Variants in SEMA3A observed in about 807,000 individuals in gnomAD.
SEMA3A encodes semaphorin-3A.
SEMA3A carries 29 observed loss-of-function variants against 97.9 expected under a neutral mutation model. The ratio of observed to expected loss-of-function variants is 0.30; its 90% confidence interval spans 0.22 to 0.40. SEMA3A has a LOEUF of 0.40. Among genes scored for constraint, SEMA3A ranks in the 10% least tolerant of loss-of-function variants. The pLI is 1.00. For missense variants in SEMA3A, 763 were observed against 951.3 expected (o/e 0.80, Z 2.60); for synonymous variants, 321 against 323.7 (o/e 0.99, Z 0.09).
intron 12 of SEMA3A, among the ~76,000 whole-genome samples, chr7:83,995,124 C>T (rs1315165623): frequency 6.6e-6 from 1 of 152,152 alleles, no homozygotes; most frequent in African/African-American, 2.4e-5. Context: ...AAAAGGAACT[C>T]CCTGACCCCT....
upstream of SEMA3A, among the ~76,000 whole-genome samples, chr7:84,198,190 A>AT (rs937924814): frequency 6.6e-6 from 1 of 150,962 alleles, no homozygotes; most frequent in South Asian, 2.1e-4. Context: ...GCCTTTTTTT[A>AT]TTTTTTTATT....
At chr7:84,201,699 T>A (rs1798362050) in intron 3 of SEMA3A, among the ~76,000 whole-genome samples, 1 of 152,150 alleles carries the variant, frequency 6.6e-6, no homozygotes, top group Admixed American at 6.5e-5. Context: ...AACTAATCTC[T>A]TTGAAAATCA....
chr7:84,086,031 G>C (rs922947941), intron 4 of SEMA3A, among the ~76,000 whole-genome samples: 6 of 152,122 alleles, frequency 3.9e-5, no homozygotes, highest in African/African-American at 1.4e-4. Context: ...GAAGGGGCCA[G>C]AATAATGCTA....
At position 83,977,138 on chromosome 7, in the gene SEMA3A, G is replaced by C. The variant is rs1480556609; in HGVS notation, c.1711C>G (p.His571Asp). 4 of 1,559,814 alleles carry C rather than the reference G, an allele frequency of 2.6e-6. No individual in the cohort carries two copies. The Admixed American group carries it at 5.4e-5, about 21-fold the overall frequency. Residue 571 changes from histidine (H) to aspartate (D), a missense_variant, in exon 15 of 17, where the codon CAC becomes GAC. By Grantham distance (81) the His-to-Asp change is moderately conservative (BLOSUM62 -1). This residue lies in a region of SEMA3A where 678 missense variants were observed against 881.3 expected (regional missense o/e 0.77). Transcript: ENST00000265362. ...GATGAAAAATGTGACTTACCATGGT[G>C]TAAGTCTGAACAGTGAGTCAGTGGG... Reference protein sequence around the residue: ...GDPLTHCSDLHHDNHHGHSPE... With the variant: ...GDPLTHCSDLDHDNHHGHSPE...
At chr7:84,235,544 T>G (rs538732542) in intron 3 of SEMA3A, among the ~76,000 whole-genome samples, 7 of 152,088 alleles carry the variant, frequency 4.6e-5, no homozygotes, top group Non-Finnish European at 7.4e-5. Flanking sequence ...GAATAAATAT[T>G]ATTGGAATAA....
At chr7:84,413,688 T>G (rs775290189) in intron 1 of SEMA3A, among the ~76,000 whole-genome samples, 1 of 151,986 alleles carries the variant, frequency 6.6e-6, no homozygotes, top group African/African-American at 2.4e-5. Flanking sequence ...GTAGTAGAAG[T>G]AAAAATCAAT....
intron 1 of SEMA3A, among the ~76,000 whole-genome samples, chr7:84,470,542 C>T (rs1409167073): frequency 2.0e-5 from 3 of 152,054 alleles, no homozygotes; most frequent in African/African-American, 4.8e-5. Context: ...CTTACCTTTG[C>T]CGTGCCCTAG....
At chr7:84,261,774 G>A (rs939632396) in intron 3 of SEMA3A, among the ~76,000 whole-genome samples, 23 of 152,346 alleles carry the variant, frequency 1.5e-4, no homozygotes, top group African/African-American at 5.5e-4. Context: ...TGTGCAAGCT[G>A]AGCACAGCCT....
At chr7:84,062,277 T>C (rs1323262203) in intron 4 of SEMA3A, among the ~76,000 whole-genome samples, 1 of 152,180 alleles carries the variant, frequency 6.6e-6, no homozygotes, top group Non-Finnish European at 1.5e-5. Flanking sequence ...ACAAACTTTT[T>C]CACAAATACG....
intron 1 of SEMA3A, among the ~76,000 whole-genome samples, chr7:84,153,848 C>A (rs1057514623): frequency 6.6e-6 from 1 of 151,972 alleles, no homozygotes; most frequent in Non-Finnish European, 1.5e-5. Flanking sequence ...TTCCTATTTA[C>A]ATAACACTAT....
intron 2 of SEMA3A, among the ~76,000 whole-genome samples, chr7:84,131,764 TA>T (rs1041378461): frequency 3.3e-4 from 45 of 135,714 alleles, no homozygotes; most frequent in African/African-American, 1.2e-3. Context: ...AATATATGTA[TA>T]AACAAATTAT....
rs1159159480 is a variant in SEMA3A at position 84,029,077 on chromosome 7, A to G, written c.668-14726T>C. Among the ~76,000 whole-genome samples, 4 of 152,274 alleles carry G rather than the reference A, an allele frequency of 2.6e-5. No individual in the cohort carries two copies. In the East Asian group the frequency reaches 5.8e-4, roughly 22 times the overall value. ...ATTGCAGGAATATAGTGCTGAGCAC[A>G]AAACATGTTTCAAGGAAAGTGCTGG... is the stretch of plus-strand genomic sequence containing the variant. On this transcript the variant is annotated intron_variant, in intron 6 of 16. Transcript: ENST00000265362.
intron 1 of SEMA3A, among the ~76,000 whole-genome samples, chr7:84,428,357 TA>T (rs1274558158): frequency 6.6e-6 from 1 of 152,192 alleles, no homozygotes; most frequent in Admixed American, 6.6e-5. Flanking sequence ...TTAAAGATAG[TA>T]AAAAACAAGT....
chr7:84,402,057 G>C (rs1191740201), intron 1 of SEMA3A, among the ~76,000 whole-genome samples: 1 of 152,090 alleles, frequency 6.6e-6, no homozygotes, highest in Non-Finnish European at 1.5e-5. Flanking sequence ...AAAGTGAAGA[G>C]ACAACTTCTT....
rs533562301 is a variant in SEMA3A, at chr7:84,206,737, G to T, written c.-82-12069C>A. 9.9e-5 allele frequency among the ~76,000 whole-genome samples: 15 copies of T among 152,030 alleles called. No homozygotes were observed. The South Asian group carries it at 3.1e-3, about 32-fold the overall frequency. ...GACCTCAGGTGATCCAACCAGCCCA[G>T]CCTCCCAAAGTGGATACTATTAAAT... is the stretch of plus-strand genomic sequence containing the variant. On this transcript the variant is annotated intron_variant, in intron 3 of 3. Transcript: ENST00000424555.
Position 84,014,265 on chromosome 7 carries a change from T to C in SEMA3A, c.754A>G (p.Ile252Val), listed in dbSNP as rs770690302. The change falls in exon 7 of 17, where the codon ATA becomes GTA. Residue 252 changes from isoleucine (I) to valine (V), a missense_variant. Coordinates refer to ENST00000265362, the MANE Select transcript of SEMA3A (RefSeq NM_006080.3). ...GCTTTTCCAGAGTGTTCTCCATCTA[T>C]TGCATTTTCACGGAAGAAAAAGTAT... ...KVYFFFRENA[I>V]DGEHSGKATH... 3 of 1,613,582 alleles carry C rather than the reference T, an allele frequency of 1.9e-6. No individual in the cohort carries two copies. In the East Asian group the frequency reaches 6.7e-5, roughly 36 times the overall value.
chr7:84,305,512 T>C (rs1801132514), intron 3 of SEMA3A, among the ~76,000 whole-genome samples: 1 of 152,042 alleles, frequency 6.6e-6, no homozygotes, highest in African/African-American at 2.4e-5. Flanking sequence ...ATTCAATGTG[T>C]ATATTGTCAA....
intron 4 of SEMA3A, among the ~76,000 whole-genome samples, chr7:84,069,655 T>C (rs986907479): frequency 6.6e-5 from 10 of 152,114 alleles, no homozygotes; most frequent in African/African-American, 2.2e-4. Flanking sequence ...TTTTCTAATA[T>C]GAGACATTCT....
At chr7:84,073,683 G>T (rs1178643046) in intron 4 of SEMA3A, among the ~76,000 whole-genome samples, 3 of 151,976 alleles carry the variant, frequency 2.0e-5, no homozygotes, top group Non-Finnish European at 2.9e-5. Flanking sequence ...AGAACGATTT[G>T]CCATAGCTTG....
Sources: allele counts gnomAD v4.1 joint callset (sites outside exome capture counted in the v4.1 genomes callset), GRCh38; gene constraint gnomAD v4.1.1; regional missense constraint gnomAD v4.1.1; transcripts MANE v1.5; gene names NCBI Gene and HGNC (gene_info 2026-07-23, HGNC 2026-07-21).